WIZ: variants seen among roughly 807,000 people sequenced by gnomAD.
The protein encoded by WIZ is WIZ zinc finger, also known as protein Wiz.
Under a neutral mutation model 140.2 loss-of-function variants are expected in WIZ, and 25 were observed. That is an observed-to-expected ratio of 0.18 (90% CI 0.13 to 0.25). The LOEUF (loss-of-function observed/expected upper bound fraction) is 0.25, where lower values mean the gene tolerates loss of function less well. Ranked by LOEUF, WIZ falls within the 10% of genes least tolerant of loss-of-function variation. WIZ has a pLI of 1.00. For missense variants in WIZ, 2,231 were observed against 2,632.6 expected (o/e 0.85, Z 3.34); for synonymous variants, 1,125 against 1,154.3 (o/e 0.97, Z 0.51).
intron 5 of WIZ, chr19:15,436,409 T>C (rs1009468724): frequency 6.0e-6 from 1 of 166,602 alleles, no homozygotes; most frequent in African/African-American, 2.4e-5. Context: ...GGCAGGTTAA[T>C]TAAACTCTGT....
chr19:15,447,478 C>G (rs1163623260), intron 2 of WIZ, among the ~76,000 whole-genome samples: 1 of 152,320 alleles, frequency 6.6e-6, no homozygotes, highest in African/African-American at 2.4e-5. Flanking sequence ...GAGTGTCAGC[C>G]CCTTGAGGGC....
At chr19:15,444,777 C>G (rs1008001874) in intron 2 of WIZ, among the ~76,000 whole-genome samples, 1 of 152,180 alleles carries the variant, frequency 6.6e-6, no homozygotes, top group African/African-American at 2.4e-5. Flanking sequence ...AGCCGGTTCA[C>G]ATATAACCTG....
intron 4 of WIZ, among the ~76,000 whole-genome samples, chr19:15,438,025 ACT>A (rs1432505657): frequency 2.0e-5 from 3 of 151,392 alleles, no homozygotes; most frequent in African/African-American, 7.3e-5. Flanking sequence ...ACACACACAC[ACT>A]CAAACACCAT....
chr19:15,436,795 C>A lies in WIZ; in HGVS notation c.2740+11G>T, dbSNP rs1371690611. On this transcript the variant is annotated intron_variant, in intron 5 of 12. Coordinates refer to ENST00000673675, the MANE Select transcript of WIZ (RefSeq NM_001371589.1). ...GATGGGGCTCCAGCACAGCCCGTCC[C>A]CTCCCCTTACCATCTCCATAGGCTG... 4 of 1,566,334 alleles carry A rather than the reference C, an allele frequency of 2.6e-6. No individual in the cohort carries two copies. The highest frequency in any genetic ancestry group is 3.4e-6 in the Non-Finnish European group (4 of 1,163,324).
rs771245560 is a variant in WIZ at position 15,427,247 on chromosome 19, C to CGAG, written c.4098_4100dup (p.Ser1367dup). 7 of 1,613,682 alleles carry CGAG rather than the reference C, an allele frequency of 4.3e-6. No homozygotes were observed. The African/African-American group carries it at 9.3e-5, about 22-fold the overall frequency. On this transcript the variant is annotated inframe_insertion, in exon 9 of 13. Coordinates refer to ENST00000673675, the MANE Select transcript of WIZ (RefSeq NM_001371589.1). This position sits in a 1 kb window ranked among gnomAD's most constrained non-coding sequence, Gnocchi z 6.4. ...TGGCCAAGGGTGAGATGTGAAGGTCCGAGGGGCTGCGGGCTTCCAGTGAGC... is the reference window on the plus strand; with the variant it reads ...TGGCCAAGGGTGAGATGTGAAGGTCCGAGGAGGGGCTGCGGGCTTCCAGTGAGC...
chr19:15,441,516 G>A (rs1969745175), intron 3 of WIZ, among the ~76,000 whole-genome samples: 2 of 152,214 alleles, frequency 1.3e-5, no homozygotes, highest in Admixed American at 6.5e-5. Flanking sequence ...CCCGCAGGGT[G>A]TAGGGTGAAG....
intron 5 of WIZ, among the ~76,000 whole-genome samples, chr19:15,431,534 G>C (rs549032559): frequency 1.1e-3 from 160 of 152,318 alleles, no homozygotes; most frequent in African/African-American, 3.5e-3. Flanking sequence ...GGTGAGGGTG[G>C]GAGGCACTCA....
chr19:15,435,755 G>C (rs2069036383), intron 5 of WIZ, among the ~76,000 whole-genome samples: 1 of 151,966 alleles, frequency 6.6e-6, no homozygotes, highest in Non-Finnish European at 1.5e-5. Flanking sequence ...CCTGGGAGTT[G>C]GAGGTTGCAG....
intron 12 of WIZ, 102 bp from the exon 13 acceptor site, chr19:15,423,337 G>A: frequency 7.0e-7 from 1 of 1,418,866 alleles, no homozygotes; most frequent in Non-Finnish European, 9.5e-7. Flanking sequence ...ACTCAGTGTG[G>A]ACAGAGCCAG....
intron 5 of WIZ, among the ~76,000 whole-genome samples, chr19:15,431,603 G>T (rs893184305): frequency 5.3e-5 from 8 of 152,112 alleles, no homozygotes; most frequent in African/African-American, 1.9e-4. Context: ...ACAGAGGCAG[G>T]GAGCCAGGGA....
rs2145294396 is a variant in WIZ, at chr19:15,431,331, C to T, written c.2741-149G>A. 6 of 1,026,092 alleles carry T rather than the reference C, an allele frequency of 5.8e-6. 1 individual carries two copies. The highest frequency in any genetic ancestry group is 2.7e-5 in the East Asian group (1 of 36,678). 63.6% of individuals were successfully genotyped at this position (1,026,092 alleles called of 1,614,324 possible). On this transcript the variant is annotated intron_variant, in intron 5 of 12. Coordinates refer to ENST00000673675, the MANE Select transcript of WIZ (RefSeq NM_001371589.1). ...GGAAAGCTGAGGTTCCACCATAACC[C>T]CCAGCACCAGTCCAGTGCAGGGACA...
chr19:15,427,619 G>T lies in WIZ; in HGVS notation c.3815-86C>A. On this transcript the variant is annotated intron_variant, in intron 8 of 12. Transcript: ENST00000673675. The surrounding 1 kb of genome is among the most constrained non-coding windows in gnomAD (Gnocchi z 6.4). Reference sequence around the variant, plus strand: ...GGAGTGTCCTGGTCGGCTGGGCGTGGGCGGCAGCAGCACGCCCACAGGTTA... The same window carrying T: ...GGAGTGTCCTGGTCGGCTGGGCGTGTGCGGCAGCAGCACGCCCACAGGTTA... 1 of 1,425,216 alleles carries T rather than the reference G, an allele frequency of 7.0e-7. No individual in the cohort carries two copies. Among genetic ancestry groups the T allele is most frequent in the Non-Finnish European group, 9.4e-7 (1 of 1,066,904 alleles). 88.3% of individuals were successfully genotyped at this position (1,425,216 alleles called of 1,614,324 possible).
Position 15,429,742 on chromosome 19 carries a change from T to C in WIZ, c.3259A>G (p.Ser1087Gly). The C allele has an allele frequency of 6.8e-7, 1 of 1,481,016 alleles. No homozygotes were observed. The highest frequency in any genetic ancestry group is 8.9e-7 in the Non-Finnish European group (1 of 1,118,780). 91.7% of individuals were successfully genotyped at this position (1,481,016 alleles called of 1,614,324 possible). A position where few individuals can be genotyped will look rare whatever the true frequency, so the allele number is the denominator to read the frequency against. The change falls in exon 7 of 13, where the codon AGC (serine) becomes GGC (glycine). Residue 1087 changes from serine to glycine, a missense_variant. Coordinates refer to ENST00000673675, the MANE Select transcript of WIZ (RefSeq NM_001371589.1). ...FSAKGLGHPP[S>G]SPLLKKTPLA... is the part of the protein sequence containing the mutation. ...GGTGTCTTTTTGAGGAGTGGAGAGC[T>C]GGGCGGGTGGCCCAGGCCCTTGGCC...
Position 15,423,718 on chromosome 19 carries a change from C to T in WIZ, c.5510+465G>A, listed in dbSNP as rs566398796. On this transcript the variant is annotated intron_variant, in intron 12 of 12. Transcript: ENST00000673675. ...GTATGGCCTCAGGCAAGTCACCTCACGTCTCAGAGTCCCAGTTCGCTGCTC... is the reference window on the plus strand; with the variant it reads ...GTATGGCCTCAGGCAAGTCACCTCATGTCTCAGAGTCCCAGTTCGCTGCTC... 6.3e-4 allele frequency among the ~76,000 whole-genome samples: 96 copies of T among 152,366 alleles called. 1 individual carries two copies. Among genetic ancestry groups the T allele is most frequent in the African/African-American group, 2.2e-3 (91 of 41,586 alleles).
At position 15,428,915 on chromosome 19, in the gene WIZ, G is replaced by A. The variant is rs964929260; in HGVS notation, c.3416-407C>T. On this transcript the variant is annotated intron_variant, in intron 7 of 12. Coordinates refer to ENST00000673675, the MANE Select transcript of WIZ (RefSeq NM_001371589.1). The surrounding 1 kb of genome is among the most constrained non-coding windows in gnomAD (Gnocchi z 6.4). ...GGAAGCAACTTCAAGGGAACATAAG[G>A]TGCCAAATGGGGGGCTCCATTGGGC... 6.6e-6 allele frequency among the ~76,000 whole-genome samples: 1 copy of A among 152,154 alleles called. No homozygotes were observed. Among genetic ancestry groups the A allele is most frequent in the African/African-American group, 2.4e-5 (1 of 41,420 alleles).
chr19:15,448,301 C>T lies in WIZ; in HGVS notation c.7G>A (p.Gly3Arg), dbSNP rs952358829. The change falls in exon 2 of 13, where the codon GGG (glycine) becomes AGG (arginine). Residue 3 changes from glycine (G) to arginine (R), a missense_variant. This residue lies in a region of WIZ where 85 missense variants were observed against 90.9 expected (regional missense o/e 0.94). Coordinates refer to ENST00000673675, the MANE Select transcript of WIZ (RefSeq NM_001371589.1). Reference protein sequence around the residue: MEGSLAGSLAAPD... With the variant: MERSLAGSLAAPD... ...GCAGCCAGGCTGCCTGCCAGAGACC[C>T]CTCCATCGGATTTTCTCTGCTTGGA... 1 of 1,612,270 alleles carries T rather than the reference C, an allele frequency of 6.2e-7. No homozygotes were observed. Among genetic ancestry groups the T allele is most frequent in the Non-Finnish European group, 8.5e-7 (1 of 1,179,820 alleles).
chr19:15,432,531 CG>C, intron 5 of WIZ: 3 of 167,724 alleles, frequency 1.8e-5, no homozygotes, highest in Non-Finnish European at 3.0e-5. Flanking sequence ...GTGGCGGCGG[CG>C]GCGGGGGTGG....
intron 5 of WIZ, among the ~76,000 whole-genome samples, chr19:15,431,520 C>G (rs1417101244): frequency 6.6e-6 from 1 of 152,140 alleles, no homozygotes; most frequent in Non-Finnish European, 1.5e-5. Flanking sequence ...CTGCCTGTCT[C>G]GAGGGTGAGG....
At chr19:15,432,720 C>T (rs939425013) in intron 5 of WIZ, among the ~76,000 whole-genome samples, 3 of 150,856 alleles carry the variant, frequency 2.0e-5, no homozygotes, top group African/African-American at 4.8e-5. Flanking sequence ...CTCCGGCGCA[C>T]GCGGGGCGGC....
Sources: allele counts gnomAD v4.1 joint callset (sites outside exome capture counted in the v4.1 genomes callset), GRCh38; gene constraint gnomAD v4.1.1; regional missense constraint gnomAD v4.1.1; non-coding constraint Gnocchi (gnomAD v3.1); transcripts MANE v1.5; gene names NCBI Gene and HGNC (gene_info 2026-07-23, HGNC 2026-07-21).